The following RNF150 variants were observed in gnomAD, a reference collection of about 807,000 sequenced individuals.
RNF150 encodes ring finger protein 150.
A neutral mutation model predicts 39.3 loss-of-function variants in RNF150; 24 were observed. That is an observed-to-expected ratio of 0.61 (90% CI 0.44 to 0.86). The LOEUF (loss-of-function observed/expected upper bound fraction) is 0.86, where lower values mean the gene tolerates loss of function less well. RNF150 is among the 40% of genes least tolerant of loss of function. The pLI is 0.00. For missense variants in RNF150, 502 were observed against 587.8 expected, an observed-to-expected ratio of 0.85 and a Z score of 1.51; for synonymous variants, 255 against 227.3, an observed-to-expected ratio of 1.12 and a Z score of -1.10.
At chr4:140,934,883 T>C (rs1482201954) in intron 4 of RNF150, among the ~76,000 whole-genome samples, 1 of 150,694 alleles carries the variant, frequency 6.6e-6, no homozygotes, top group African/African-American at 2.4e-5. Flanking sequence ...GGGGCAATCA[T>C]TGATATCTGT....
chr4:141,156,182 C>T (rs1400235837), intron 1 of RNF150, among the ~76,000 whole-genome samples: 1 of 152,124 alleles, frequency 6.6e-6, no homozygotes, highest in African/African-American at 2.4e-5. Context: ...GTCCCCTTGG[C>T]CAAGAGAGTG....
intron 1 of RNF150, among the ~76,000 whole-genome samples, chr4:140,989,836 C>A (rs1482692690): frequency 6.6e-6 from 1 of 151,996 alleles, no homozygotes; most frequent in East Asian, 1.9e-4. Flanking sequence ...GCAGCAAATG[C>A]TGACAGGCTG....
chr4:141,161,147 T>C (rs1370266139), intron 1 of RNF150, among the ~76,000 whole-genome samples: 2 of 152,136 alleles, frequency 1.3e-5, no homozygotes, highest in East Asian at 3.9e-4. Context: ...ATATAGACAT[T>C]AAAGTCCTGG....
chr4:141,106,207 C>T (rs1160016681), intron 1 of RNF150, among the ~76,000 whole-genome samples: 1 of 152,212 alleles, frequency 6.6e-6, no homozygotes, highest in Non-Finnish European at 1.5e-5. Flanking sequence ...TTTGTTCACA[C>T]AAATAATATC....
At chr4:140,975,590 AT>A (rs1733634289) in intron 1 of RNF150, among the ~76,000 whole-genome samples, 1 of 152,068 alleles carries the variant, frequency 6.6e-6, no homozygotes. Flanking sequence ...ATTTGGTACT[AT>A]CTTTAATAAT....
intron 6 of RNF150, among the ~76,000 whole-genome samples, chr4:140,870,890 G>A (rs1378648649): frequency 6.6e-6 from 1 of 151,476 alleles, no homozygotes; most frequent in Non-Finnish European, 1.5e-5. Flanking sequence ...GGTTTTTGTG[G>A]AATTTCAGGA....
chr4:140,918,491 G>A (rs1010625370), intron 5 of RNF150, among the ~76,000 whole-genome samples: 3 of 152,162 alleles, frequency 2.0e-5, no homozygotes, highest in Non-Finnish European at 2.9e-5. Context: ...CCAGGAAGAA[G>A]TTGAATCTCT....
At chr4:140,999,728 A>T (rs1342876045) in intron 1 of RNF150, among the ~76,000 whole-genome samples, 1 of 151,942 alleles carries the variant, frequency 6.6e-6, no homozygotes, top group Non-Finnish European at 1.5e-5. Flanking sequence ...TGAGGTCAGG[A>T]GTTTGAGACC....
At chr4:140,869,795 G>T (rs1728858670) in intron 6 of RNF150, among the ~76,000 whole-genome samples, 1 of 152,180 alleles carries the variant, frequency 6.6e-6, no homozygotes, top group Non-Finnish European at 1.5e-5. Flanking sequence ...GGAGCTGTGG[G>T]CAGGCAGATA....
intron 1 of RNF150, among the ~76,000 whole-genome samples, chr4:141,143,259 A>G (rs73849847): frequency 0.013 from 2,028 of 152,280 alleles, 49 homozygotes; most frequent in African/African-American, 0.047. Flanking sequence ...ACATATCTAT[A>G]TTGAAGATTT....
chr4:141,083,997 G>A (rs898885494), intron 1 of RNF150, among the ~76,000 whole-genome samples: 5 of 152,194 alleles, frequency 3.3e-5, no homozygotes, highest in African/African-American at 1.2e-4. Flanking sequence ...TTAATAAATA[G>A]TTTAATGTGA....
At chr4:141,129,409 G>A (rs1013254440) in intron 1 of RNF150, among the ~76,000 whole-genome samples, 6 of 152,180 alleles carry the variant, frequency 3.9e-5, no homozygotes, top group African/African-American at 1.2e-4. Context: ...GTACAAAAGA[G>A]GCATTTAAAT....
At chr4:140,989,330 G>A (rs1734116692) in intron 1 of RNF150, among the ~76,000 whole-genome samples, 1 of 152,066 alleles carries the variant, frequency 6.6e-6, no homozygotes, top group Non-Finnish European at 1.5e-5. Flanking sequence ...AAAAAGTACC[G>A]ATGTTAAGCC....
At chr4:141,184,539 G>T (rs1262228142) in intron 1 of RNF150, among the ~76,000 whole-genome samples, 1 of 151,964 alleles carries the variant, frequency 6.6e-6, no homozygotes, top group Non-Finnish European at 1.5e-5. Context: ...GGCTTTTTTT[G>T]CAATTGCTTT....
intron 1 of RNF150, among the ~76,000 whole-genome samples, chr4:141,060,989 G>T (rs552614102): frequency 5.3e-5 from 8 of 152,080 alleles, no homozygotes; most frequent in Admixed American, 1.3e-4. Flanking sequence ...GGCCTTTTGC[G>T]GGGTCGGGGG....
intron 2 of RNF150, among the ~76,000 whole-genome samples, chr4:140,954,843 A>T (rs943398052): frequency 2.6e-5 from 4 of 152,174 alleles, no homozygotes; most frequent in Non-Finnish European, 5.9e-5. Flanking sequence ...GAAAGTGATA[A>T]AAAAAATTTG....
rs532358164 is a variant in RNF150 at position 141,151,522 on chromosome 4, G to T, written c.-6+61272C>A. On this transcript the variant is annotated intron_variant, in intron 1 of 7. Coordinates refer to the RNF150 transcript ENST00000420921. ...TGTAGGAATGTTTTTCTTTAAAATG[G>T]TTATATACAATTATTACACTTTATT... Among the ~76,000 whole-genome samples the T allele has an allele frequency of 4.0e-5, 6 of 149,876 alleles. No homozygotes were observed. The East Asian group carries it at 9.9e-4, about 25-fold the overall frequency.
chr4:141,096,190 C>CAT (rs1210260313), intron 1 of RNF150, among the ~76,000 whole-genome samples: 12 of 67,970 alleles, frequency 1.8e-4, no homozygotes, highest in Non-Finnish European at 3.0e-4. Context: ...TTTTAGCTTT[C>CAT]TTTTTTTTTT....
chr4:141,178,593 CT>C (rs1338628046), intron 1 of RNF150, among the ~76,000 whole-genome samples: 1 of 151,960 alleles, frequency 6.6e-6, no homozygotes, highest in Non-Finnish European at 1.5e-5. Context: ...CCCACTTTTC[CT>C]TCACATACTG....
Sources: gnomAD v4.1 joint callset for allele counts (sites outside exome capture counted in the v4.1 genomes callset) on GRCh38, gnomAD v4.1.1 for gene constraint, MANE v1.5 for transcripts, NCBI Gene and HGNC (gene_info 2026-07-23, HGNC 2026-07-21) for gene names.